Variants in IFT140 observed in about 807,000 individuals in gnomAD.
IFT140 encodes intraflagellar transport 140.
In IFT140, 133 loss-of-function variants were observed where a neutral mutation model predicts 164.6. The observed-to-expected ratio is 0.81, with a 90% confidence interval of 0.70 to 0.93. IFT140 has a LOEUF of 0.93. IFT140 is among the 40% of genes least tolerant of loss of function. The pLI, the probability that IFT140 is intolerant of heterozygous loss-of-function variation, is 0.00. For synonymous variants in IFT140, 860 were observed against 817.3 expected (o/e 1.05, Z -0.89); for missense variants, 2,045 against 1,972.3 (o/e 1.04, Z -0.70).
At chr16:1,555,217 T>C (rs999808317) in intron 19 of IFT140, 7 of 702,048 alleles carry the variant, frequency 1.0e-5, no homozygotes, top group Non-Finnish European at 1.6e-5. Context: ...GTACGTGTCG[T>C]GGGCCAACCT....
intron 8 of IFT140, among the ~76,000 whole-genome samples, chr16:1,587,583 G>A (rs1346010566): frequency 1.3e-5 from 2 of 152,180 alleles, no homozygotes; most frequent in Admixed American, 6.5e-5. Flanking sequence ...AGATGGCCCC[G>A]GACAGCACAC....
intron 30 of IFT140, 144 bp downstream of exon 30, chr16:1,518,072 A>AG (rs1291284736): frequency 1.3e-6 from 1 of 746,162 alleles, no homozygotes; most frequent in Non-Finnish European, 2.1e-6. Flanking sequence ...TCCTGGGCTC[A>AG]AGTCATTCTC....
Position 1,591,602 on chromosome 16 carries a change from TTTTTC to T in IFT140, c.634+569_634+573del, listed in dbSNP as rs1261934365. On this transcript the variant is annotated intron_variant, in intron 6 of 30. Transcript: ENST00000426508. Reference sequence around the variant, plus strand: ...TGTCACATGGCTGTAAGAGATGCGCTTTTTCTTTTAACTTCATATTGCATTTATTC... The same window carrying T: ...TGTCACATGGCTGTAAGAGATGCGCTTTTTAACTTCATATTGCATTTATTC... 2.6e-5 allele frequency among the ~76,000 whole-genome samples: 4 copies of T among 152,154 alleles called. 1 individual carries two copies. The highest frequency in any genetic ancestry group is 5.9e-5 in the Non-Finnish European group (4 of 68,024).
At position 1,524,794 on chromosome 16, in the gene IFT140, T is replaced by C. The variant is rs145645423; in HGVS notation, c.2987A>G (p.Asn996Ser). The C allele has an allele frequency of 1.5e-5, 24 of 1,608,166 alleles. No individual in the cohort carries two copies. In the African/African-American group the frequency reaches 3.2e-4, roughly 21 times the overall value. ...SLVRIHCFQG[N>S]VQKAAQIANE... Reference sequence around the variant, plus strand: ...CTGCGGGGACCTTACCTTCTGGACATTGCCCTGGAAGCAGTGGATGCGGAC... The same window carrying C: ...CTGCGGGGACCTTACCTTCTGGACACTGCCCTGGAAGCAGTGGATGCGGAC... Residue 996 changes from asparagine (N) to serine (S), a missense_variant, in exon 23 of 31, where the codon AAT becomes AGT. Asn to Ser is a conservative substitution (Grantham distance 46). Transcript: ENST00000426508.
chr16:1,581,303 T>C (rs993555184), intron 12 of IFT140, among the ~76,000 whole-genome samples: 14 of 152,146 alleles, frequency 9.2e-5, no homozygotes, highest in African/African-American at 2.4e-4. Context: ...AGCAACATAA[T>C]AGATAAGAAT....
chr16:1,573,765 G>A (rs1277798457), intron 13 of IFT140, among the ~76,000 whole-genome samples: 3 of 152,142 alleles, frequency 2.0e-5, no homozygotes, highest in African/African-American at 4.8e-5. Context: ...GCTCTCCTGC[G>A]GCGTCTCCCA....
intron 4 of IFT140, among the ~76,000 whole-genome samples, chr16:1,597,213 C>T (rs972471777): frequency 2.0e-5 from 3 of 152,166 alleles, no homozygotes; most frequent in African/African-American, 4.8e-5. Flanking sequence ...CCCCAGAAGG[C>T]GTGAGTGGCC....
In IFT140 at chr16:1,519,861, C is replaced by T. The variant is rs758371286; in HGVS notation, c.4040+20G>A. The stretch of plus-strand genomic sequence containing the variant: ...AGTCACATCTGCCCTGGCCTGTCCC[C>T]GCTGGCCCCGGGGGCACACCTGCGG... On this transcript the variant is annotated intron_variant, in intron 29 of 30. Transcript: ENST00000426508. 1.5e-5 allele frequency: 23 copies of T among 1,518,914 alleles called. No individual in the cohort carries two copies. In the East Asian group the frequency reaches 3.6e-4, roughly 24 times the overall value. The allele number at this position is 1,518,914 out of a possible 1,614,324, so 94.1% of individuals were successfully genotyped here. A position where few individuals can be genotyped will look rare whatever the true frequency, so the allele number is the denominator to read the frequency against.
intron 27 of IFT140, 126 bp downstream of exon 27, chr16:1,520,476 T>C: frequency 7.4e-7 from 1 of 1,343,486 alleles, no homozygotes; most frequent in East Asian, 2.4e-5. Flanking sequence ...GTGGTTGTGC[T>C]CTTCCTGGCC....
At chr16:1,528,433 G>GCACA (rs4017983) in intron 19 of IFT140, among the ~76,000 whole-genome samples, 2 of 148,746 alleles carry the variant, frequency 1.3e-5, no homozygotes, top group African/African-American at 2.5e-5. Context: ...ACACACAGAT[G>GCACA]CACACACACA....
chr16:1,602,637 C>T, intron 3 of IFT140, 46 bp from the exon 4 acceptor site: 1 of 1,565,926 alleles, frequency 6.4e-7, no homozygotes, highest in Non-Finnish European at 8.7e-7. Flanking sequence ...AGAGGGACAG[C>T]TACTTTTAAG....
At chr16:1,519,476 A>C (rs557052730) in intron 29 of IFT140, among the ~76,000 whole-genome samples, 1 of 152,078 alleles carries the variant, frequency 6.6e-6, no homozygotes, top group Admixed American at 6.6e-5. Context: ...AGCTGGTGGC[A>C]GTTGACCTGT....
At chr16:1,571,344 C>G (rs2034001451) in intron 14 of IFT140, 63 bp downstream of exon 14, 1 of 1,515,504 alleles carries the variant, frequency 6.6e-7, no homozygotes. Flanking sequence ...ACTTTCTACC[C>G]ATCACACTGT....
intron 19 of IFT140, among the ~76,000 whole-genome samples, chr16:1,556,034 A>G (rs2033058180): frequency 6.6e-6 from 1 of 152,152 alleles, no homozygotes; most frequent in Non-Finnish European, 1.5e-5. Context: ...TGAATCCGGG[A>G]GGTGGAGGTT....
intron 3 of IFT140, chr16:1,604,274 C>CGTGTGTGCGTGTGT (rs2035942664): frequency 7.7e-6 from 1 of 129,812 alleles, no homozygotes; most frequent in African/African-American, 2.9e-5. Flanking sequence ...GCTGCAAGGG[C>CGTGTGTGCGTGTGT]GTGTGTGTGT....
rs2032849519 is a variant in IFT140, at chr16:1,553,521, CATGGACAAGTCCTCT to C, written c.2399+4399_2399+4413del. ...GGCGTGGCCGGAGCCTGGGGAGGGA[CATGGACAAGTCCTCT>C]ATGGACAAGAGGGGCTGGAGAGTTT... On this transcript the variant is annotated intron_variant, in intron 19 of 30. Transcript: ENST00000426508. This position sits in a 1 kb window ranked among gnomAD's most constrained non-coding sequence, Gnocchi z 4.4. The C allele has an allele frequency of 1.0e-6, 1 of 993,576 alleles. No individual in the cohort carries two copies. Among genetic ancestry groups the C allele is most frequent in the African/African-American group, 1.7e-5 (1 of 57,388 alleles). 61.5% of individuals were successfully genotyped at this position (993,576 alleles called of 1,614,324 possible).
chr16:1,520,862 G>A (rs1311103643), intron 26 of IFT140, 54 bp from the exon 27 acceptor site: 1 of 1,513,954 alleles, frequency 6.6e-7, no homozygotes, highest in Non-Finnish European at 9.0e-7. Context: ...GAACTGAAGT[G>A]CGCCCCTCAT....
intron 13 of IFT140, among the ~76,000 whole-genome samples, chr16:1,573,399 T>C (rs952176886): frequency 6.6e-6 from 1 of 151,826 alleles, no homozygotes; most frequent in African/African-American, 2.4e-5. Flanking sequence ...TTCTTTAACA[T>C]CTCTATGTCA....
chr16:1,526,742 G>A lies in IFT140; in HGVS notation c.2454C>T (p.Asp818=), dbSNP rs34668993. Reference sequence around the variant, plus strand: ...TGTTCCCCAGGCACACCTTGGCCACGTCCAGCCGCTGGGTCTTCACGCACA... The same window carrying A: ...TGTTCCCCAGGCACACCTTGGCCACATCCAGCCGCTGGGTCTTCACGCACA... ...ARMCVKTQRL[D]VAKVCLGNMG... Residue 818 remains aspartate, a synonymous_variant, in exon 20 of 31, where the codon GAC becomes GAT. Transcript: ENST00000426508. 11,415 of 1,609,832 alleles carry A rather than the reference G, an allele frequency of 7.1e-3. 141 individuals are homozygous for A. Among genetic ancestry groups the A allele is most frequent in the African/African-American group, 0.052 (3,902 of 75,032 alleles).
Sources: gnomAD v4.1 joint callset for allele counts (sites outside exome capture counted in the v4.1 genomes callset) on GRCh38, gnomAD v4.1.1 for gene constraint, Gnocchi (gnomAD v3.1) non-coding constraint, MANE v1.5 for transcripts, NCBI Gene and HGNC (gene_info 2026-07-23, HGNC 2026-07-21) for gene names.